CDH12: variants seen among roughly 807,000 people sequenced by gnomAD.
CDH12 encodes cadherin 12, also known as cadherin-12.
A neutral mutation model predicts 74.1 loss-of-function variants in CDH12; 41 were observed. The ratio of observed to expected loss-of-function variants is 0.55; its 90% CI spans 0.43 to 0.72. The LOEUF (loss-of-function observed/expected upper bound fraction) is 0.72, where lower values mean the gene tolerates loss of function less well. CDH12 is among the 30% of genes least tolerant of loss of function. The pLI, the probability that CDH12 is intolerant of heterozygous loss-of-function variation, is 0.00. For missense variants in CDH12, 945 were observed against 977.2 expected, an observed-to-expected ratio of 0.97 and a Z score of 0.44; for synonymous variants, 399 against 355.0, an observed-to-expected ratio of 1.12 and a Z score of -1.39.
intron 1 of CDH12, among the ~76,000 whole-genome samples, chr5:22,685,301 G>T (rs9293032): frequency 0.55 from 82,711 of 151,324 alleles, 22,749 homozygotes; most frequent in Non-Finnish European, 0.57. Flanking sequence ...TCAGTGGTGC[G>T]GTCTTGGCTC....
At chr5:22,425,143 A>ATG (rs34267153) in intron 2 of CDH12, among the ~76,000 whole-genome samples, 45,133 of 123,742 alleles carry the variant, frequency 0.36, 8,983 homozygotes, top group Admixed American at 0.49. Flanking sequence ...AATTATATAT[A>ATG]TGTGTGTGTG....
intron 5 of CDH12, among the ~76,000 whole-genome samples, chr5:22,076,311 G>C (rs1742311902): frequency 6.6e-6 from 1 of 152,088 alleles, no homozygotes; most frequent in Admixed American, 6.6e-5. Flanking sequence ...AGAGTATCAA[G>C]CAAAAACTTG....
chr5:21,803,421 T>C (rs570055979), intron 9 of CDH12, among the ~76,000 whole-genome samples: 218 of 152,242 alleles, frequency 1.4e-3, no homozygotes, highest in African/African-American at 4.6e-3. Flanking sequence ...GAATTGTGGC[T>C]TTATATATTA....
intron 1 of CDH12, among the ~76,000 whole-genome samples, chr5:22,784,880 A>T (rs557358281): frequency 1.3e-5 from 2 of 152,220 alleles, no homozygotes; most frequent in South Asian, 2.1e-4. Context: ...CTATTTTAAA[A>T]TTTTTCCTTA....
rs1259713819 is a variant in CDH12, at chr5:22,086,691, G to C, written c.-186-7829C>G. ...ACTGATATGAAAATGGCTGCTACTA[G>C]TTTTACTGAAATGAAAATGGCTGCT... On this transcript the variant is annotated intron_variant, in intron 4 of 14. Coordinates refer to ENST00000382254, the MANE Select transcript of CDH12 (RefSeq NM_004061.5). Among the ~76,000 whole-genome samples, 4 of 149,532 alleles carry C rather than the reference G, an allele frequency of 2.7e-5. No homozygotes were observed. The East Asian group carries it at 7.8e-4, about 29-fold the overall frequency.
intron 3 of CDH12, among the ~76,000 whole-genome samples, chr5:22,233,346 G>A (rs772201542): frequency 2.6e-5 from 4 of 151,728 alleles, no homozygotes; most frequent in Non-Finnish European, 4.4e-5. Context: ...AGTAGTATCC[G>A]TATAATTCTG....
chr5:22,020,324 C>T (rs539649841), intron 5 of CDH12, among the ~76,000 whole-genome samples: 51 of 152,040 alleles, frequency 3.4e-4, no homozygotes, highest in African/African-American at 1.1e-3. Context: ...GAGGCTGAGG[C>T]GGGCAGATCG....
Position 22,796,142 on chromosome 5 carries a change from T to C in CDH12, c.-523+56916A>G, listed in dbSNP as rs1748195394. The stretch of plus-strand genomic sequence containing the variant: ...ACATCTTGGCTATTGTGAAAGGTGT[T>C]GCAATAATATACAAGTGCTGATATC... On this transcript the variant is annotated intron_variant, in intron 1 of 14. Transcript: ENST00000382254. Among the ~76,000 whole-genome samples, 3 of 152,206 alleles carry C rather than the reference T, an allele frequency of 2.0e-5. No homozygotes were observed. The South Asian group carries it at 6.2e-4, about 31-fold the overall frequency.
At chr5:22,271,007 T>C (rs1190305452) in intron 3 of CDH12, among the ~76,000 whole-genome samples, 3 of 152,114 alleles carry the variant, frequency 2.0e-5, no homozygotes, top group Non-Finnish European at 4.4e-5. Context: ...ATAATAAGCA[T>C]ATTCTTTATA....
At chr5:22,661,223 C>A (rs984445166) in intron 1 of CDH12, among the ~76,000 whole-genome samples, 3 of 152,188 alleles carry the variant, frequency 2.0e-5, no homozygotes, top group African/African-American at 7.2e-5. Context: ...CTTAATCTAA[C>A]ACCTAACAAA....
intron 1 of CDH12, among the ~76,000 whole-genome samples, chr5:22,597,453 C>T (rs925912184): frequency 1.3e-5 from 2 of 152,092 alleles, no homozygotes; most frequent in African/African-American, 4.8e-5. Flanking sequence ...CACTGCATAC[C>T]TTATATCTAA....
At chr5:22,784,639 C>T (rs991679897) in intron 1 of CDH12, among the ~76,000 whole-genome samples, 2 of 152,146 alleles carry the variant, frequency 1.3e-5, no homozygotes, top group Admixed American at 1.3e-4. Flanking sequence ...GTTCATCCTA[C>T]TTCCCTCTAC....
chr5:22,418,090 T>A (rs1369580747), intron 2 of CDH12, among the ~76,000 whole-genome samples: 2 of 152,200 alleles, frequency 1.3e-5, no homozygotes, highest in Non-Finnish European at 2.9e-5. Flanking sequence ...GAGACTGGAA[T>A]GTTTTTCCAT....
chr5:22,168,286 C>T (rs888634003), intron 4 of CDH12, among the ~76,000 whole-genome samples: 4 of 151,782 alleles, frequency 2.6e-5, no homozygotes, highest in African/African-American at 9.7e-5. Context: ...TCTCATGTCC[C>T]CTCTTCCGTT....
chr5:22,278,742 C>T (rs1172626708), intron 3 of CDH12, among the ~76,000 whole-genome samples: 1 of 152,044 alleles, frequency 6.6e-6, no homozygotes, highest in Non-Finnish European at 1.5e-5. Flanking sequence ...TTAGTCTACC[C>T]TCTAGGTATG....
chr5:21,794,519 A>C (rs1049653366), intron 10 of CDH12, among the ~76,000 whole-genome samples: 1 of 151,700 alleles, frequency 6.6e-6, no homozygotes, highest in Non-Finnish European at 1.5e-5. Context: ...TCTAAATTCT[A>C]CATCTCCTTT....
chr5:21,887,069 A>G (rs1156369588), intron 6 of CDH12, among the ~76,000 whole-genome samples: 2 of 152,162 alleles, frequency 1.3e-5, no homozygotes, highest in Non-Finnish European at 2.9e-5. Context: ...AAAATTGTTT[A>G]GGATTTTCAG....
At chr5:22,660,194 T>C (rs1283927635) in intron 1 of CDH12, among the ~76,000 whole-genome samples, 1 of 152,202 alleles carries the variant, frequency 6.6e-6, no homozygotes, top group Admixed American at 6.5e-5. Context: ...AGCATGTATT[T>C]ATATGCAAAC....
At chr5:21,925,805 A>G (rs1754558606) in intron 6 of CDH12, among the ~76,000 whole-genome samples, 1 of 152,156 alleles carries the variant, frequency 6.6e-6, no homozygotes. Context: ...GTATATGCAC[A>G]TACCATGCCT....
Sources: allele counts gnomAD v4.1 joint callset (sites outside exome capture counted in the v4.1 genomes callset), GRCh38; gene constraint gnomAD v4.1.1; transcripts MANE v1.5; gene names NCBI Gene and HGNC (gene_info 2026-07-23, HGNC 2026-07-21).